P4HA1: variants seen among roughly 807,000 people sequenced by gnomAD.
The protein encoded by P4HA1 is prolyl 4-hydroxylase subunit alpha-1.
Under a neutral mutation model 72.8 loss-of-function variants are expected in P4HA1, and 24 were observed. The ratio of observed to expected loss-of-function variants is 0.33; its 90% CI spans 0.24 to 0.46. The LOEUF (loss-of-function observed/expected upper bound fraction) is 0.46. Ranked by LOEUF, P4HA1 falls within the 20% of genes least tolerant of loss-of-function variation. The probability of loss-of-function intolerance (pLI) is 1.00; values close to 1 mark genes in which losing one functional copy is unlikely to be tolerated. For synonymous variants in P4HA1, 201 were observed against 218.8 expected, an observed-to-expected ratio of 0.92 and a Z score of 0.72; for missense variants, 446 against 640.6, an observed-to-expected ratio of 0.70 and a Z score of 3.28.
At chr10:73,093,279 G>A (rs1389064619) in intron 1 of P4HA1, among the ~76,000 whole-genome samples, 1 of 152,072 alleles carries the variant, frequency 6.6e-6, no homozygotes, top group Non-Finnish European at 1.5e-5. Flanking sequence ...ATGACAACTA[G>A]GTAAGAAGTC....
intron 10 of P4HA1, among the ~76,000 whole-genome samples, chr10:73,026,877 G>A (rs936248863): frequency 2.6e-5 from 4 of 152,244 alleles, no homozygotes; most frequent in African/African-American, 9.6e-5. Flanking sequence ...TAAGAGAAAT[G>A]CGAAGCAAAA....
At chr10:73,091,240 A>C (rs1417040057) in intron 1 of P4HA1, among the ~76,000 whole-genome samples, 1 of 152,128 alleles carries the variant, frequency 6.6e-6, no homozygotes, top group African/African-American at 2.4e-5. Flanking sequence ...GCAAGAACAA[A>C]GGTCACACAC....
At chr10:73,055,815 G>A (rs186148478) in intron 5 of P4HA1, among the ~76,000 whole-genome samples, 2 of 152,248 alleles carry the variant, frequency 1.3e-5, no homozygotes, top group Non-Finnish European at 2.9e-5. Flanking sequence ...GATTTATTGA[G>A]GTCTTACTAT....
At chr10:73,085,678 C>T (rs899287613) in intron 1 of P4HA1, among the ~76,000 whole-genome samples, 3 of 152,026 alleles carry the variant, frequency 2.0e-5, no homozygotes, top group South Asian at 2.1e-4. Context: ...CCACCGCACC[C>T]GGCCAGTGAT....
intron 9 of P4HA1, chr10:73,043,969 G>C (rs777733794): frequency 6.2e-7 from 1 of 1,607,512 alleles, no homozygotes; most frequent in South Asian, 1.1e-5. Context: ...TACAAAAAAA[G>C]AGAAAGGACA....
At chr10:73,058,953 T>C (rs926159381) in intron 5 of P4HA1, among the ~76,000 whole-genome samples, 1 of 151,800 alleles carries the variant, frequency 6.6e-6, no homozygotes, top group Admixed American at 6.6e-5. Context: ...AATTTTTGTA[T>C]TTTTAGTAGG....
intron 9 of P4HA1, among the ~76,000 whole-genome samples, chr10:73,036,139 A>G (rs1840568070): frequency 6.6e-6 from 1 of 150,992 alleles, no homozygotes; most frequent in African/African-American, 2.4e-5. Flanking sequence ...GTGAGCCGAG[A>G]TCACGCCATT....
rs917719370 is a variant in P4HA1, at chr10:73,040,316, GT to G, written c.1148+4664del. On this transcript the variant is annotated intron_variant, in intron 9 of 14. Transcript: ENST00000394890. ...GGTTTGAAATGTTTAGCAATATTTA[GT>G]TTTTTTTTTTAAGTGTATAGATCAC... Among the ~76,000 whole-genome samples, 138 of 146,014 alleles carry G rather than the reference GT, an allele frequency of 9.5e-4. 1 individual carries two copies. The highest frequency in any genetic ancestry group is 5.2e-3 in the East Asian group (26 of 5,046).
intron 9 of P4HA1, among the ~76,000 whole-genome samples, chr10:73,038,573 T>A (rs1840654635): frequency 6.6e-6 from 1 of 151,730 alleles, no homozygotes; most frequent in Non-Finnish European, 1.5e-5. Flanking sequence ...CCCAAAATTA[T>A]TAGCTTTTTC....
chr10:73,029,635 A>C (rs1329339095), intron 10 of P4HA1, among the ~76,000 whole-genome samples: 4 of 145,818 alleles, frequency 2.7e-5, no homozygotes. Context: ...TTATAGGCCT[A>C]TGCTTAGTTT....
intron 9 of P4HA1, among the ~76,000 whole-genome samples, chr10:73,034,344 T>G (rs1415849920): frequency 1.3e-5 from 2 of 152,186 alleles, no homozygotes; most frequent in African/African-American, 4.8e-5. Flanking sequence ...TCACTGGTGT[T>G]AAGTACATTT....
At chr10:73,058,644 G>A (rs544205296) in intron 5 of P4HA1, among the ~76,000 whole-genome samples, 12 of 152,048 alleles carry the variant, frequency 7.9e-5, no homozygotes, top group African/African-American at 2.4e-4. Context: ...AAAAAAAACT[G>A]TAGAACCTCC....
chr10:73,057,067 A>G (rs1167117175), intron 5 of P4HA1, among the ~76,000 whole-genome samples: 1 of 152,186 alleles, frequency 6.6e-6, no homozygotes, highest in African/African-American at 2.4e-5. Context: ...CTCGAAAAAA[A>G]AAAAAAAAAT....
At chr10:73,016,531 C>T (rs1408306480) in intron 11 of P4HA1, among the ~76,000 whole-genome samples, 2 of 152,362 alleles carry the variant, frequency 1.3e-5, no homozygotes, top group East Asian at 1.9e-4. Flanking sequence ...AATCCCAGCA[C>T]TCTGGGAGGC....
At chr10:73,066,867 G>T (rs1187767326) in intron 5 of P4HA1, among the ~76,000 whole-genome samples, 1 of 152,186 alleles carries the variant, frequency 6.6e-6, no homozygotes, top group South Asian at 2.1e-4. Context: ...TGCCATGATT[G>T]TGAGTTTCCT....
intron 9 of P4HA1, among the ~76,000 whole-genome samples, chr10:73,042,156 G>C (rs545309846): frequency 6.6e-6 from 1 of 152,020 alleles, no homozygotes; most frequent in South Asian, 2.1e-4. Context: ...TTGTTATAGG[G>C]GTCTCAGCTA....
intron 9 of P4HA1, among the ~76,000 whole-genome samples, chr10:73,034,138 C>T (rs11000493): frequency 6.6e-6 from 1 of 152,050 alleles, no homozygotes; most frequent in Non-Finnish European, 1.5e-5. Flanking sequence ...TACTTAAGCC[C>T]AGGAGTTCAA....
chr10:73,091,174 AT>A (rs1205289526), intron 1 of P4HA1, among the ~76,000 whole-genome samples: 5 of 110,142 alleles, frequency 4.5e-5, no homozygotes, highest in African/African-American at 2.1e-4. Context: ...TACCAAAAAA[AT>A]AAATAAATAA....
intron 1 of P4HA1, among the ~76,000 whole-genome samples, chr10:73,095,614 CCCCT>C (rs1292517376): frequency 6.6e-6 from 1 of 151,938 alleles, no homozygotes; most frequent in Non-Finnish European, 1.5e-5. Context: ...GCTATTTCAT[CCCCT>C]CCGAGTGCAT....
Sources: allele counts gnomAD v4.1 joint callset (sites outside exome capture counted in the v4.1 genomes callset), GRCh38; gene constraint gnomAD v4.1.1; transcripts MANE v1.5; gene names NCBI Gene and HGNC (gene_info 2026-07-23, HGNC 2026-07-21).